Variants in CCDC30 observed in about 807,000 individuals in gnomAD.
CCDC30 encodes the protein coiled-coil domain-containing protein 30.
In CCDC30, 70 loss-of-function variants were observed where a neutral mutation model predicts 100.2. That is an observed-to-expected ratio of 0.70 (90% confidence interval 0.58 to 0.85). The LOEUF is 0.85. CCDC30 is among the 40% of genes least tolerant of loss of function. The pLI is 0.00. For missense variants in CCDC30, 652 were observed against 771.2 expected (o/e 0.85, Z 1.83); for synonymous variants, 233 against 269.5 (o/e 0.86, Z 1.33).
chr1:42,655,506 C>T (rs757173967), downstream of CCDC30, among the ~76,000 whole-genome samples: 1 of 152,008 alleles, frequency 6.6e-6, no homozygotes, highest in Non-Finnish European at 1.5e-5. Flanking sequence ...GAGACTGCAC[C>T]AGTGCACTCC....
At chr1:42,626,848 G>T (rs1388289139) in intron 11 of CCDC30, among the ~76,000 whole-genome samples, 1 of 152,156 alleles carries the variant, frequency 6.6e-6, no homozygotes, top group African/African-American at 2.4e-5. Flanking sequence ...ATGTGGAGCT[G>T]TAAGTCCAAT....
At chr1:42,585,954 A>C (rs1431341922) in intron 9 of CCDC30, among the ~76,000 whole-genome samples, 1 of 152,136 alleles carries the variant, frequency 6.6e-6, no homozygotes. Flanking sequence ...CTTTTTTGCT[A>C]TTATAAAACT....
chr1:42,534,869 G>A (rs1644866642), intron 6 of CCDC30: 2 of 151,804 alleles, frequency 1.3e-5, no homozygotes, highest in African/African-American at 4.8e-5. Flanking sequence ...ATGACATTTT[G>A]TAACTGGTGA....
Position 42,637,438 on chromosome 1 carries a change from G to C in CCDC30, c.1419+60G>C, listed in dbSNP as rs371340062. On this transcript the variant is annotated intron_variant, in intron 12 of 16. Transcript: ENST00000668663. ...TGATTCCCATGGTCAGCCATTTGGAGAAAGCCTTTTCATTTTAAAAATTAT... is the reference window on the plus strand; with the variant it reads ...TGATTCCCATGGTCAGCCATTTGGACAAAGCCTTTTCATTTTAAAAATTAT... 233 of 1,512,072 alleles carry C rather than the reference G, an allele frequency of 1.5e-4. 1 individual carries two copies. In the East Asian group the frequency reaches 4.5e-3, roughly 29 times the overall value. 93.7% of individuals were successfully genotyped at this position (1,512,072 alleles called of 1,614,324 possible). A position where few individuals can be genotyped will look rare whatever the true frequency, so the allele number is the denominator to read the frequency against.
the CCDC30 span, chr1:42,457,589 A>G: frequency 3.8e-6 from 2 of 532,486 alleles, no homozygotes; most frequent in Non-Finnish European, 6.7e-6. Flanking sequence ...GTGCAGTCAG[A>G]TCATGGGGCG....
intron 11 of CCDC30, among the ~76,000 whole-genome samples, chr1:42,615,688 A>G (rs1646714465): frequency 6.6e-6 from 1 of 152,180 alleles, no homozygotes; most frequent in Non-Finnish European, 1.5e-5. Context: ...ATCAGTATCT[A>G]ATGCTGTGTG....
At chr1:42,645,308 G>C (rs889471669) in intron 14 of CCDC30, among the ~76,000 whole-genome samples, 5 of 152,050 alleles carry the variant, frequency 3.3e-5, no homozygotes, top group Admixed American at 6.6e-5. Flanking sequence ...GTTAAGTAAA[G>C]TGAAGTTTGC....
intron 1 of CCDC30, among the ~76,000 whole-genome samples, chr1:42,472,376 A>C (rs1461136231): frequency 6.6e-6 from 1 of 152,248 alleles, no homozygotes; most frequent in Non-Finnish European, 1.5e-5. Flanking sequence ...CAACCTAAAA[A>C]AATTGATATT....
At chr1:42,553,407 T>G (rs539436695) in intron 6 of CCDC30, among the ~76,000 whole-genome samples, 5 of 152,040 alleles carry the variant, frequency 3.3e-5, no homozygotes, top group Non-Finnish European at 7.4e-5. Context: ...ATGTTCAGAG[T>G]TTTTAGTTGT....
At chr1:42,499,715 G>C in intron 6 of CCDC30, among the ~76,000 whole-genome samples, 1 of 151,532 alleles carries the variant, frequency 6.6e-6, no homozygotes, top group East Asian at 1.9e-4. Flanking sequence ...CCTGGCCTCA[G>C]GTAATCTTCT....
In CCDC30 at chr1:42,503,939, G is replaced by T. The variant is rs578046935; in HGVS notation, c.456+5023G>T. Among the ~76,000 whole-genome samples, 44 of 152,298 alleles carry T rather than the reference G, an allele frequency of 2.9e-4. No individual in the cohort carries two copies. The Middle Eastern group carries it at 0.02, about 71-fold the overall frequency. ...AAGACACACACACAGAAATATAGAGGTGTGAAGTGGGAAAGCAGGGGTCTC... is the reference window on the plus strand; with the variant it reads ...AAGACACACACACAGAAATATAGAGTTGTGAAGTGGGAAAGCAGGGGTCTC... On this transcript the variant is annotated intron_variant, in intron 6 of 16. Transcript: ENST00000668663.
upstream of CCDC30, chr1:42,459,809 C>G (rs753362802): frequency 6.2e-6 from 10 of 1,614,032 alleles, no homozygotes; most frequent in South Asian, 1.1e-5. Context: ...TAACCAAAGA[C>G]TCGGAAACCA....
At chr1:42,552,411 G>A (rs1645271201) in intron 6 of CCDC30, among the ~76,000 whole-genome samples, 1 of 151,990 alleles carries the variant, frequency 6.6e-6, no homozygotes, top group Non-Finnish European at 1.5e-5. Flanking sequence ...CATAACAAAG[G>A]CCACTTCTGT....
chr1:42,556,495 A>G, intron 6 of CCDC30, 90 bp downstream of exon 10: 6 of 1,390,178 alleles, frequency 4.3e-6, no homozygotes, highest in South Asian at 1.6e-5. Context: ...TCATTCATAT[A>G]TATGTTTTTT....
rs951646050 is a variant in CCDC30, at chr1:42,473,478, A to G, written c.-91-6983A>G. 3 of 393,422 alleles carry G rather than the reference A, an allele frequency of 7.6e-6. No homozygotes were observed. In the Admixed American group the frequency reaches 1.3e-4, roughly 18 times the overall value. 24.4% of individuals were successfully genotyped at this position (393,422 alleles called of 1,614,324 possible). A position where few individuals can be genotyped will look rare whatever the true frequency, so the allele number is the denominator to read the frequency against. On this transcript the variant is annotated intron_variant, in intron 1 of 16. Coordinates refer to ENST00000668663, the Ensembl canonical transcript of CCDC30. ...ATGGCAACAGTCTGTGTTGGTTTCCATTAAGACTCCATGTATAGGATGTTG... is the reference window on the plus strand; with the variant it reads ...ATGGCAACAGTCTGTGTTGGTTTCCGTTAAGACTCCATGTATAGGATGTTG...
chr1:42,554,047 T>C (rs1645315472), intron 6 of CCDC30, among the ~76,000 whole-genome samples: 1 of 152,080 alleles, frequency 6.6e-6, no homozygotes, highest in Admixed American at 6.6e-5. Context: ...ACATACATGT[T>C]TATTTGTTTT....
chr1:42,556,517 AG>A, intron 6 of CCDC30, 112 bp downstream of exon 10: 1 of 1,202,750 alleles, frequency 8.3e-7, no homozygotes. Context: ...TTATTTTTTT[AG>A]GTACATAGTA....
intron 5 of CCDC30, among the ~76,000 whole-genome samples, chr1:42,498,169 A>C (rs1490076959): frequency 2.0e-5 from 3 of 152,372 alleles, no homozygotes; most frequent in Non-Finnish European, 4.4e-5. Context: ...GAAATAATAC[A>C]GTCACAAAAG....
intron 10 of CCDC30, chr1:42,590,398 G>C (rs6687628): frequency 0.64 from 97,121 of 151,958 alleles, 31,215 homozygotes; most frequent in South Asian, 0.71. Flanking sequence ...GTGGAAGCAA[G>C]TTTGGAACTG....
Sources: allele counts gnomAD v4.1 joint callset (sites outside exome capture counted in the v4.1 genomes callset), GRCh38; gene constraint gnomAD v4.1.1; transcripts MANE v1.5; gene names NCBI Gene and HGNC (gene_info 2026-07-23, HGNC 2026-07-21).